Variants in MAP2 observed in about 807,000 individuals in gnomAD.
MAP2 encodes microtubule associated protein 2, also known as microtubule-associated protein 2.
MAP2 carries 14 observed loss-of-function variants against 137.6 expected under a neutral mutation model. That is an observed-to-expected ratio of 0.10 (90% CI 0.07 to 0.16). The LOEUF (loss-of-function observed/expected upper bound fraction) is 0.16. Ranked by LOEUF, MAP2 falls within the 10% of genes least tolerant of loss-of-function variation. The pLI is 1.00. For missense variants in MAP2, 2,088 were observed against 2,191.5 expected (o/e 0.95, Z 0.94); for synonymous variants, 786 against 782.3 (o/e 1.00, Z -0.08).
chr2:209,619,361 A>G (rs1013824558), intron 3 of MAP2, among the ~76,000 whole-genome samples: 1 of 152,182 alleles, frequency 6.6e-6, no homozygotes, highest in African/African-American at 2.4e-5. Context: ...CAATGTATAC[A>G]TATTTCAAAA....
chr2:209,432,305 C>A (rs1232461366), intron 1 of MAP2, among the ~76,000 whole-genome samples: 2 of 152,110 alleles, frequency 1.3e-5, no homozygotes, highest in Non-Finnish European at 2.9e-5. Context: ...CTTCCTGTTT[C>A]TCTGCCTACA....
At chr2:209,438,892 A>T (rs185913157) in intron 1 of MAP2, among the ~76,000 whole-genome samples, 1 of 151,166 alleles carries the variant, frequency 6.6e-6, no homozygotes, top group Admixed American at 6.6e-5. Context: ...GGATAACTAC[A>T]TTATATTATT....
chr2:209,541,987 G>A (rs1275221477), intron 2 of MAP2, among the ~76,000 whole-genome samples: 1 of 152,206 alleles, frequency 6.6e-6, no homozygotes, highest in African/African-American at 2.4e-5. Flanking sequence ...AATTTTTCCA[G>A]AAAGTTTTCA....
chr2:209,543,931 T>TA (rs747460079), intron 2 of MAP2, among the ~76,000 whole-genome samples: 14 of 152,066 alleles, frequency 9.2e-5, no homozygotes, highest in East Asian at 1.9e-4. Flanking sequence ...TATCTTTTTT[T>TA]AAAAAGGAAA....
intron 13 of MAP2, among the ~76,000 whole-genome samples, chr2:209,716,509 T>C (rs999359236): frequency 6.6e-6 from 1 of 152,250 alleles, no homozygotes; most frequent in African/African-American, 2.4e-5. Flanking sequence ...TCATAAACTT[T>C]TTAAAAACAT....
At chr2:209,467,883 G>A (rs1194460153) in intron 1 of MAP2, among the ~76,000 whole-genome samples, 2 of 152,154 alleles carry the variant, frequency 1.3e-5, no homozygotes, top group African/African-American at 2.4e-5. Flanking sequence ...AGGTTGGTAT[G>A]ACGATTATAT....
At chr2:209,482,528 TGTTGGTCATAG>T (rs1394373854) in intron 1 of MAP2, among the ~76,000 whole-genome samples, 1 of 152,218 alleles carries the variant, frequency 6.6e-6, no homozygotes, top group East Asian at 1.9e-4. Context: ...GTTGATATAT[TGTTGGTCATAG>T]GAAGTGAGCA....
At chr2:209,563,342 T>C (rs996242267) in intron 2 of MAP2, among the ~76,000 whole-genome samples, 1 of 152,020 alleles carries the variant, frequency 6.6e-6, no homozygotes, top group Non-Finnish European at 1.5e-5. Context: ...TGATTGTGGT[T>C]TTTGTCATTA....
intron 2 of MAP2, among the ~76,000 whole-genome samples, chr2:209,520,745 T>G (rs2063159234): frequency 1.3e-5 from 2 of 152,018 alleles, no homozygotes; most frequent in African/African-American, 4.8e-5. Flanking sequence ...AAAAGGTGGT[T>G]GTTTCATAGG....
At chr2:209,669,736 C>A (rs1373357606) in intron 5 of MAP2, among the ~76,000 whole-genome samples, 1 of 151,730 alleles carries the variant, frequency 6.6e-6, no homozygotes, top group Admixed American at 6.6e-5. Context: ...ACTTTAAAAG[C>A]ATGGACAGAC....
In MAP2 at chr2:209,705,562, T is replaced by C. The variant is rs756464774; in HGVS notation, c.4585-18T>C. ...AGAGTTACAAGAACCCAATGTTCTTTTTGTTTTCTCCAATCAGGACGGAGT... is the reference window on the plus strand; with the variant it reads ...AGAGTTACAAGAACCCAATGTTCTTCTTGTTTTCTCCAATCAGGACGGAGT... On this transcript the variant is annotated intron_variant, in intron 11 of 15. Coordinates refer to ENST00000682079, the MANE Select transcript of MAP2 (RefSeq NM_001375505.1). 1.9e-6 allele frequency: 3 copies of C among 1,567,958 alleles called. No individual in the cohort carries two copies. The highest frequency in any genetic ancestry group is 2.6e-6 in the Non-Finnish European group (3 of 1,158,724).
At chr2:209,639,412 T>G (rs981776437) in intron 4 of MAP2, among the ~76,000 whole-genome samples, 2 of 152,122 alleles carry the variant, frequency 1.3e-5, no homozygotes, top group Non-Finnish European at 2.9e-5. Context: ...ATTAATTAAT[T>G]TTTTTGAACA....
intron 1 of MAP2, among the ~76,000 whole-genome samples, chr2:209,506,486 C>T (rs1399170217): frequency 1.3e-5 from 2 of 152,102 alleles, no homozygotes; most frequent in Non-Finnish European, 2.9e-5. Flanking sequence ...CTTCTAGAAC[C>T]TAACTTGCTT....
At chr2:209,619,640 T>C (rs2090544914) in intron 3 of MAP2, among the ~76,000 whole-genome samples, 1 of 152,024 alleles carries the variant, frequency 6.6e-6, no homozygotes, top group Non-Finnish European at 1.5e-5. Context: ...AAATAAAATA[T>C]TTGTTTATAT....
At chr2:209,628,604 CT>C (rs1165356145) in intron 4 of MAP2, among the ~76,000 whole-genome samples, 1 of 152,146 alleles carries the variant, frequency 6.6e-6, no homozygotes, top group African/African-American at 2.4e-5. Flanking sequence ...TCAGAATTAT[CT>C]TTTAAAAACA....
intron 11 of MAP2, among the ~76,000 whole-genome samples, chr2:209,704,935 A>C (rs1191356748): frequency 6.6e-6 from 1 of 150,672 alleles, no homozygotes; most frequent in South Asian, 2.1e-4. Flanking sequence ...TATATAAGAA[A>C]TAATATTGTA....
At chr2:209,582,276 A>C (rs770387661) in intron 3 of MAP2, among the ~76,000 whole-genome samples, 1 of 152,090 alleles carries the variant, frequency 6.6e-6, no homozygotes, top group Non-Finnish European at 1.5e-5. Flanking sequence ...ACATGTTTCT[A>C]ATAAATAATA....
At chr2:209,561,215 A>G (rs1410634075) in intron 2 of MAP2, among the ~76,000 whole-genome samples, 1 of 152,190 alleles carries the variant, frequency 6.6e-6, no homozygotes, top group Admixed American at 6.5e-5. Flanking sequence ...TTTTATTCTT[A>G]TATTTTTGGT....
rs765250506 is a variant in MAP2, at chr2:209,696,676, T to G, written c.4315T>G (p.Ser1439Ala). 2 of 1,613,840 alleles carry G rather than the reference T, an allele frequency of 1.2e-6. No individual in the cohort carries two copies. Among genetic ancestry groups the G allele is most frequent in the Admixed American group, 1.7e-5 (1 of 59,988 alleles). Residue 1439 changes from serine to alanine, a missense_variant, in exon 9 of 16, where the codon TCC (serine) becomes GCC (alanine). Physicochemically the swap from Ser to Ala is moderately conservative, Grantham distance 99. Transcript: ENST00000682079. ...KPFKTGRGRI[S>A]TPERKVAKKE... ...TTTTAAAACCGGGAGAGGCAGAATTTCCACTCCTGAAAGAAAAGTAGCTAA... is the reference window on the plus strand; with the variant it reads ...TTTTAAAACCGGGAGAGGCAGAATTGCCACTCCTGAAAGAAAAGTAGCTAA...
Sources: allele counts gnomAD v4.1 joint callset (sites outside exome capture counted in the v4.1 genomes callset), GRCh38; gene constraint gnomAD v4.1.1; transcripts MANE v1.5; gene names NCBI Gene and HGNC (gene_info 2026-07-23, HGNC 2026-07-21).